CSMD2: variants seen among roughly 807,000 people sequenced by gnomAD.
CSMD2 encodes the protein CUB and Sushi multiple domains 2, also known as CUB and sushi domain-containing protein 2.
CSMD2 carries 130 observed loss-of-function variants against 398.5 expected under a neutral mutation model. The observed-to-expected ratio is 0.33, with a 90% CI of 0.28 to 0.38. CSMD2 has a LOEUF of 0.38. Among genes scored for constraint, CSMD2 ranks in the 10% least tolerant of loss-of-function variants. The probability of loss-of-function intolerance (pLI) is 1.00; values close to 1 mark genes in which losing one functional copy is unlikely to be tolerated. For synonymous variants in CSMD2, 1,828 were observed against 1,908.5 expected (o/e 0.96, Z 1.10); for missense variants, 3,829 against 4,764.9 (o/e 0.80, Z 5.78).
chr1:33,759,320 T>TTTTTTC (rs200516342), intron 13 of CSMD2, among the ~76,000 whole-genome samples: 73 of 136,500 alleles, frequency 5.3e-4, no homozygotes, highest in African/African-American at 2.1e-3. Flanking sequence ...TTTTCTTTTT[T>TTTTTTC]TTTCTTTTTT....
chr1:33,769,593 A>C (rs904563579), intron 13 of CSMD2, among the ~76,000 whole-genome samples: 4 of 152,190 alleles, frequency 2.6e-5, no homozygotes, highest in Admixed American at 2.6e-4. Flanking sequence ...AAGCCAACAA[A>C]ATGATTCTGA....
intron 36 of CSMD2, 65 bp downstream of exon 36, chr1:33,623,305 C>G: frequency 2.0e-6 from 2 of 1,023,338 alleles, no homozygotes. Context: ...ATGATAATAA[C>G]AATGTTCATG....
At chr1:33,849,066 C>T (rs1052283852) in intron 5 of CSMD2, among the ~76,000 whole-genome samples, 10 of 152,146 alleles carry the variant, frequency 6.6e-5, no homozygotes, top group African/African-American at 1.7e-4. Context: ...AGGGGCATCT[C>T]CCACCTCCCA....
chr1:33,651,758 G>A (rs886564461), intron 28 of CSMD2, among the ~76,000 whole-genome samples: 4 of 152,206 alleles, frequency 2.6e-5, no homozygotes, highest in South Asian at 2.1e-4. Flanking sequence ...CCAGGAGTTC[G>A]TGGGTGGCTT....
At chr1:33,723,319 C>T (rs1646421617) in intron 19 of CSMD2, among the ~76,000 whole-genome samples, 1 of 152,182 alleles carries the variant, frequency 6.6e-6, no homozygotes, top group African/African-American at 2.4e-5. Context: ...GTTTCCACCG[C>T]CAACGTAGAA....
intron 2 of CSMD2, among the ~76,000 whole-genome samples, chr1:34,077,591 G>T (rs574428072): frequency 6.7e-6 from 1 of 149,570 alleles, no homozygotes; most frequent in Non-Finnish European, 1.5e-5. Context: ...CAAAAAATTA[G>T]TTGGGCGTGG....
chr1:33,603,576 C>A (rs1300523713), intron 42 of CSMD2, among the ~76,000 whole-genome samples: 1 of 152,220 alleles, frequency 6.6e-6, no homozygotes, highest in African/African-American at 2.4e-5. Flanking sequence ...GCTACATAAG[C>A]TGAATATCTC....
intron 21 of CSMD2, among the ~76,000 whole-genome samples, chr1:33,713,405 A>T (rs917655258): frequency 6.6e-6 from 1 of 152,114 alleles, no homozygotes; most frequent in African/African-American, 2.4e-5. Flanking sequence ...TTTATATACT[A>T]TTTCACTTTA....
At chr1:33,907,042 C>G (rs79985919) in intron 5 of CSMD2, among the ~76,000 whole-genome samples, 2 of 151,814 alleles carry the variant, frequency 1.3e-5, no homozygotes, top group Middle Eastern at 6.4e-3. Context: ...TGAAAAACGC[C>G]TTCTGGCATT....
At chr1:34,016,890 C>T (rs947654768) in intron 3 of CSMD2, among the ~76,000 whole-genome samples, 2 of 152,192 alleles carry the variant, frequency 1.3e-5, no homozygotes, top group Non-Finnish European at 2.9e-5. Flanking sequence ...GTGCTCCCAT[C>T]ATGCAACCCT....
In CSMD2 at chr1:33,635,747, T is replaced by A. The variant is rs1476969919; in HGVS notation, c.4970-417A>T. Among the ~76,000 whole-genome samples the A allele has an allele frequency of 6.6e-6, 1 of 152,144 alleles. No homozygotes were observed. Among genetic ancestry groups the A allele is most frequent in the Non-Finnish European group, 1.5e-5 (1 of 68,006 alleles). ...ATAGGGAGCTGAAGCTTCCCCGGAC[T>A]AACCCCATGGGGAGTGGCCAGCCCA... is the stretch of plus-strand genomic sequence containing the variant. On this transcript the variant is annotated intron_variant, in intron 30 of 70. Transcript: ENST00000373381. This position sits in a 1 kb window ranked among gnomAD's most constrained non-coding sequence, Gnocchi z 5.0.
intron 5 of CSMD2, among the ~76,000 whole-genome samples, chr1:33,872,276 A>AT (rs1379377719): frequency 6.6e-6 from 1 of 152,154 alleles, no homozygotes; most frequent in African/African-American, 2.4e-5. Flanking sequence ...GAAAAAAAAA[A>AT]GTTAAAGTGA....
chr1:33,799,852 G>A (rs569269082), intron 10 of CSMD2, among the ~76,000 whole-genome samples: 2 of 152,316 alleles, frequency 1.3e-5, no homozygotes, highest in East Asian at 3.9e-4. Flanking sequence ...AAAATAAACG[G>A]TGTGTTTTTT....
intron 3 of CSMD2, among the ~76,000 whole-genome samples, chr1:33,960,652 C>T (rs149490119): frequency 4.6e-5 from 7 of 152,252 alleles, no homozygotes; most frequent in Non-Finnish European, 7.3e-5. Context: ...CCAGGGGCAC[C>T]GCACGCATTT....
intron 44 of CSMD2, among the ~76,000 whole-genome samples, chr1:33,590,981 CTTTTTTT>C (rs11374822): frequency 1.9e-4 from 13 of 67,172 alleles, no homozygotes; most frequent in African/African-American, 3.1e-4. Context: ...TTTTATTTAT[CTTTTTTT>C]TTTTTTTTTT....
At chr1:33,715,869 A>G (rs1284664139) in intron 20 of CSMD2, among the ~76,000 whole-genome samples, 1 of 151,874 alleles carries the variant, frequency 6.6e-6, no homozygotes, top group Non-Finnish European at 1.5e-5. Context: ...AAAAGATCCC[A>G]AATGAGACTA....
intron 3 of CSMD2, among the ~76,000 whole-genome samples, chr1:33,994,289 G>C (rs55924602): frequency 0.24 from 36,102 of 151,932 alleles, 5,247 homozygotes; most frequent in Non-Finnish European, 0.32. Context: ...GTGAGCGAGA[G>C]GAAGAAGGGA....
chr1:33,930,615 C>T (rs933602713), intron 4 of CSMD2, among the ~76,000 whole-genome samples: 4 of 152,374 alleles, frequency 2.6e-5, no homozygotes, highest in East Asian at 3.9e-4. Flanking sequence ...GTCACTTCCC[C>T]ATGCAGCCTT....
At chr1:33,544,637 A>G (rs1214195207) in intron 57 of CSMD2, among the ~76,000 whole-genome samples, 3 of 151,992 alleles carry the variant, frequency 2.0e-5, no homozygotes, top group Non-Finnish European at 4.4e-5. Flanking sequence ...GAGTGGAAAA[A>G]CAGATAATAG....
Sources: gnomAD v4.1 joint callset for allele counts (sites outside exome capture counted in the v4.1 genomes callset) on GRCh38, gnomAD v4.1.1 for gene constraint, Gnocchi (gnomAD v3.1) non-coding constraint, MANE v1.5 for transcripts, NCBI Gene and HGNC (gene_info 2026-07-23, HGNC 2026-07-21) for gene names.